The following TTC6 variants were observed in gnomAD, a reference collection of about 807,000 sequenced individuals.
TTC6 encodes the protein tetratricopeptide repeat protein 6.
Under a neutral mutation model 210.4 loss-of-function variants are expected in TTC6, and 172 were observed. The ratio of observed to expected loss-of-function variants is 0.82; its 90% CI spans 0.72 to 0.93. The LOEUF (loss-of-function observed/expected upper bound fraction) is 0.93. Among genes scored for constraint, TTC6 ranks in the 40% least tolerant of loss-of-function variants. The pLI is 0.00. For synonymous variants in TTC6, 804 were observed against 819.6 expected (o/e 0.98, Z 0.32); for missense variants, 2,414 against 2,318.1 (o/e 1.04, Z -0.85).
At chr14:37,645,256 A>T (rs902848855) in intron 1 of TTC6, among the ~76,000 whole-genome samples, 5 of 152,218 alleles carry the variant, frequency 3.3e-5, no homozygotes, top group Admixed American at 2.6e-4. Context: ...ATTTAGTAGC[A>T]TGTCAGCAGT....
intron 7 of TTC6, among the ~76,000 whole-genome samples, chr14:37,728,424 A>T (rs1427931493): frequency 1.9e-3 from 280 of 150,464 alleles, no homozygotes; most frequent in African/African-American, 5.2e-3. Context: ...TACCAAAAAA[A>T]AAAAAAAAAA....
chr14:37,827,485 T>C (rs1019890467), intron 29 of TTC6, 119 bp downstream of exon 31: 5 of 883,258 alleles, frequency 5.7e-6, no homozygotes, highest in African/African-American at 3.4e-5. Flanking sequence ...ATTAGCTCTT[T>C]TATTTAAAAT....
At chr14:37,623,336 A>G (rs951620824) in intron 1 of TTC6, among the ~76,000 whole-genome samples, 2 of 152,234 alleles carry the variant, frequency 1.3e-5, no homozygotes, top group Non-Finnish European at 2.9e-5. Context: ...TGTTAAAGGA[A>G]CAGGCATTTT....
In TTC6 at chr14:37,680,136, C is replaced by T; in HGVS notation, c.940-15C>T. The T allele has an allele frequency of 1.4e-6, 2 of 1,464,132 alleles. No homozygotes were observed. Among genetic ancestry groups the T allele is most frequent in the Non-Finnish European group, 1.8e-6 (2 of 1,094,070 alleles). 90.7% of individuals were successfully genotyped at this position (1,464,132 alleles called of 1,614,324 possible). A position where few individuals can be genotyped will look rare whatever the true frequency, so the allele number is the denominator to read the frequency against. ...TTAAAAATTGGCATCACTTTGTTTC[C>T]TTTTCTCATTCAAGGATATTTCTTT... On this transcript the variant is annotated splice_polypyrimidine_tract_variant and intron_variant, in intron 1 of 30. Coordinates refer to ENST00000553443, the Ensembl canonical transcript of TTC6.
intron 14 of TTC6, among the ~76,000 whole-genome samples, chr14:37,775,521 A>T (rs991348898): frequency 1.1e-4 from 17 of 152,118 alleles, no homozygotes; most frequent in African/African-American, 4.1e-4. Flanking sequence ...TTAAATTTCC[A>T]TGTAATTTTG....
chr14:37,631,165 G>A (rs2095669272), intron 1 of TTC6, among the ~76,000 whole-genome samples: 1 of 151,776 alleles, frequency 6.6e-6, no homozygotes, highest in African/African-American at 2.4e-5. Flanking sequence ...GATGCTAGCT[G>A]GTTATTTTGC....
chr14:37,674,851 T>C (rs2095765502), intron 1 of TTC6, among the ~76,000 whole-genome samples: 1 of 152,186 alleles, frequency 6.6e-6, no homozygotes, highest in African/African-American at 2.4e-5. Flanking sequence ...GTCAGTAAAA[T>C]ATTTTTTTAC....
upstream of TTC6, among the ~76,000 whole-genome samples, chr14:37,618,284 G>C (rs999523492): frequency 2.0e-5 from 3 of 152,178 alleles, no homozygotes; most frequent in Admixed American, 6.5e-5. Flanking sequence ...CTGGTCTTGT[G>C]AGAGAGAAGA....
intron 1 of TTC6, among the ~76,000 whole-genome samples, chr14:37,667,176 A>G (rs902436523): frequency 6.7e-6 from 1 of 150,172 alleles, no homozygotes; most frequent in African/African-American, 2.4e-5. Context: ...TACCGAGTCT[A>G]CTGGGTAAGT....
chr14:37,842,205 G>A (rs944079161), exon 31 of TTC6: 2 of 1,608,520 alleles, frequency 1.2e-6, no homozygotes, highest in African/African-American at 1.3e-5. Context: ...TAGAGCAAAA[G>A]TTCGTGGTAA....
At chr14:37,678,889 G>T (rs2095776429) in intron 1 of TTC6, among the ~76,000 whole-genome samples, 1 of 152,076 alleles carries the variant, frequency 6.6e-6, no homozygotes, top group South Asian at 2.1e-4. Context: ...TCTTGCTGTT[G>T]ACATTACTAA....
chr14:37,610,796 C>T (rs2095633018), intron 2 of TTC6, among the ~76,000 whole-genome samples: 1 of 152,186 alleles, frequency 6.6e-6, no homozygotes, highest in African/African-American at 2.4e-5. Flanking sequence ...CCATAAGCAC[C>T]ACAGTTTTTG....
intron 1 of TTC6, among the ~76,000 whole-genome samples, chr14:37,667,503 C>T (rs886564808): frequency 6.6e-6 from 1 of 150,566 alleles, no homozygotes; most frequent in Non-Finnish European, 1.5e-5. Context: ...CTCTCCATTA[C>T]TCATGCAAAT....
At chr14:37,702,049 A>G (rs1595125463) in intron 5 of TTC6, among the ~76,000 whole-genome samples, 1 of 152,274 alleles carries the variant, frequency 6.6e-6, no homozygotes, top group Non-Finnish European at 1.5e-5. Context: ...TATAATTTAT[A>G]GCATCCTCAA....
intron 1 of TTC6, among the ~76,000 whole-genome samples, chr14:37,671,645 A>G (rs901220500): frequency 1.3e-5 from 2 of 152,138 alleles, no homozygotes; most frequent in African/African-American, 4.8e-5. Flanking sequence ...TTTGAGATGT[A>G]GTGTCATTTG....
chr14:37,730,378 C>T (rs2095882804), intron 7 of TTC6, among the ~76,000 whole-genome samples: 1 of 152,072 alleles, frequency 6.6e-6, no homozygotes, highest in African/African-American at 2.4e-5. Flanking sequence ...TATTTAAGCA[C>T]ATCAAGAGTC....
At chr14:37,780,678 G>A (rs1011712539) in intron 14 of TTC6, among the ~76,000 whole-genome samples, 3 of 151,976 alleles carry the variant, frequency 2.0e-5, no homozygotes, top group African/African-American at 7.3e-5. Flanking sequence ...TCTGCAGAAT[G>A]TGCAGCTTTG....
At chr14:37,621,158 AGCT>A (rs1261159820), upstream of TTC6, among the ~76,000 whole-genome samples, 2 of 152,200 alleles carry the variant, frequency 1.3e-5, no homozygotes, top group Non-Finnish European at 2.9e-5. Context: ...ACCTGGGACC[AGCT>A]GGAGAGAGAA....
At chr14:37,616,275 T>C (rs767566237) in intron 2 of TTC6, among the ~76,000 whole-genome samples, 2 of 152,212 alleles carry the variant, frequency 1.3e-5, no homozygotes, top group Non-Finnish European at 2.9e-5. Context: ...TCTGGGCTCC[T>C]TTCCCTGATT....
Sources: gnomAD v4.1 joint callset for allele counts (sites outside exome capture counted in the v4.1 genomes callset) on GRCh38, gnomAD v4.1.1 for gene constraint, MANE v1.5 for transcripts, NCBI Gene and HGNC (gene_info 2026-07-23, HGNC 2026-07-21) for gene names.